ARHGEF4: variants seen among roughly 807,000 people sequenced by gnomAD.
ARHGEF4 encodes Rho guanine nucleotide exchange factor 4.
Under a neutral mutation model 162.0 loss-of-function variants are expected in ARHGEF4, and 119 were observed. That is an observed-to-expected ratio of 0.73 (90% confidence interval 0.63 to 0.86). The LOEUF is 0.86. Ranked by LOEUF, ARHGEF4 falls within the 40% of genes least tolerant of loss-of-function variation. ARHGEF4 has a pLI of 0.00. For synonymous variants in ARHGEF4, 1,014 were observed against 979.9 expected (o/e 1.03, Z -0.65); for missense variants, 2,488 against 2,456.0 (o/e 1.01, Z -0.28).
intron 1 of ARHGEF4, among the ~76,000 whole-genome samples, chr2:130,869,540 A>T (rs1574127578): frequency 6.6e-6 from 1 of 152,354 alleles, no homozygotes; most frequent in South Asian, 2.1e-4. Context: ...TGTGCCCAGC[A>T]CATAGGCAGT....
intron 1 of ARHGEF4, among the ~76,000 whole-genome samples, chr2:130,906,998 G>A (rs139732278): frequency 3.3e-5 from 5 of 152,104 alleles, no homozygotes; most frequent in East Asian, 1.9e-4. Context: ...AATTTCCCTC[G>A]TGTTGCCCTT....
At chr2:130,890,947 C>T (rs1278021333) in intron 1 of ARHGEF4, among the ~76,000 whole-genome samples, 1 of 152,164 alleles carries the variant, frequency 6.6e-6, no homozygotes, top group Non-Finnish European at 1.5e-5. Flanking sequence ...CTACCATCTT[C>T]CTTCAATTCA....
At chr2:131,024,065 T>C (rs1288592985) in intron 4 of ARHGEF4, among the ~76,000 whole-genome samples, 1 of 152,232 alleles carries the variant, frequency 6.6e-6, no homozygotes, top group Non-Finnish European at 1.5e-5. Context: ...TGTGCAGATC[T>C]GCACTGGTGA....
intron 1 of ARHGEF4, among the ~76,000 whole-genome samples, chr2:130,880,831 ATTT>A (rs769216855): frequency 6.9e-6 from 1 of 145,568 alleles, no homozygotes; most frequent in Admixed American, 6.9e-5. Context: ...ACCCGGCCAA[ATTT>A]TTTTTTTTTT....
intron 4 of ARHGEF4, among the ~76,000 whole-genome samples, chr2:130,971,308 T>C (rs531772543): frequency 2.0e-5 from 3 of 152,362 alleles, no homozygotes; most frequent in African/African-American, 7.2e-5. Flanking sequence ...TGTTCTTCTT[T>C]TTCAACATTG....
chr2:130,961,030 A>G (rs1684593536), intron 4 of ARHGEF4, among the ~76,000 whole-genome samples: 1 of 152,300 alleles, frequency 6.6e-6, no homozygotes, highest in Admixed American at 6.5e-5. Context: ...GGCCACAGCC[A>G]TCTTTAGGCA....
chr2:130,916,015 A>G lies in ARHGEF4; in HGVS notation c.2069A>G (p.Glu690Gly), dbSNP rs1681464006. 1.3e-6 allele frequency: 2 copies of G among 1,550,472 alleles called. No individual in the cohort carries two copies. Among genetic ancestry groups the G allele is most frequent in the African/African-American group, 1.4e-5 (1 of 73,184 alleles). ...RGKTPAGNEC[E>G]LPAAPIQGAG... ...AAAACACCAGCCGGTAATGAGTGTG[A>G]GTTGCCAGCAGCCCCCATACAGGGA... Residue 690 changes from glutamate (E) to glycine (G), a missense_variant, in exon 2 of 14, where the codon GAG (glutamate) becomes GGG (glycine). This residue lies in a region of ARHGEF4 where 1,642 missense variants were observed against 1,481.5 expected (regional missense o/e 1.11). Transcript: ENST00000409359.
At chr2:130,837,691 G>T (rs1680292780) in intron 1 of ARHGEF4, 1 of 437,032 alleles carries the variant, frequency 2.3e-6, no homozygotes, top group African/African-American at 2.0e-5. Context: ...TGCCAAGCCC[G>T]ACCTCCCCAG....
intron 4 of ARHGEF4, among the ~76,000 whole-genome samples, chr2:130,998,195 T>C (rs1312555890): frequency 1.3e-5 from 2 of 152,246 alleles, no homozygotes. Flanking sequence ...CCTTTTAGCA[T>C]GTGTAAAATT....
At position 131,039,053 on chromosome 2, in the gene ARHGEF4, T is replaced by G. The variant is rs375328654; in HGVS notation, c.4305+21T>G. The G allele has an allele frequency of 1.8e-5, 29 of 1,588,692 alleles. 1 individual carries two copies. The South Asian group carries it at 3.3e-4, about 18-fold the overall frequency. ...TTCGGGTATGGTTCCAAGCCCCAGC[T>G]TCTCCCAAGTTGGGCCCATAAAAAG... On this transcript the variant is annotated intron_variant, in intron 6 of 13. Transcript: ENST00000409359.
chr2:130,981,456 C>T (rs979768274), intron 4 of ARHGEF4, among the ~76,000 whole-genome samples: 9 of 152,018 alleles, frequency 5.9e-5, no homozygotes, highest in Admixed American at 3.3e-4. Context: ...GTCGGGGGAT[C>T]GAGACCAGCT....
At position 130,915,020 on chromosome 2, in the gene ARHGEF4, G is replaced by A; in HGVS notation, c.1074G>A (p.Lys358=). The change falls in exon 2 of 14, where the codon AAG becomes AAA. Residue 358 remains lysine (K), a synonymous_variant. Transcript: ENST00000409359. ...ATCCCGTGGGACAGAATGTTGTGAA[G>A]TCTGGGACCCATGTGAAGGAAGGGG... ...PEDPVGQNVV[K]SGTHVKEGAK... 6.4e-7 allele frequency: 1 copy of A among 1,550,666 alleles called. No individual in the cohort carries two copies.
intron 4 of ARHGEF4, among the ~76,000 whole-genome samples, chr2:130,947,715 C>T (rs1452112061): frequency 6.6e-6 from 1 of 152,174 alleles, no homozygotes; most frequent in Non-Finnish European, 1.5e-5. Flanking sequence ...AGGTGAGAGC[C>T]AGGATGGGGC....
intron 5 of ARHGEF4, 81 bp downstream of exon 5, chr2:131,028,165 T>C: frequency 1.9e-6 from 3 of 1,550,042 alleles, no homozygotes; most frequent in Non-Finnish European, 2.6e-6. Flanking sequence ...GCAGGCCAGA[T>C]GCCCACAGTC....
intron 4 of ARHGEF4, among the ~76,000 whole-genome samples, chr2:131,011,129 A>G (rs1242502598): frequency 6.6e-6 from 1 of 152,230 alleles, no homozygotes; most frequent in Non-Finnish European, 1.5e-5. Context: ...GAAGTCAAAT[A>G]ACACAGTTCC....
At chr2:130,886,680 C>CA (rs36062652) in intron 1 of ARHGEF4, among the ~76,000 whole-genome samples, 1,334 of 104,684 alleles carry the variant, frequency 0.013, 16 homozygotes, top group Admixed American at 0.035. Flanking sequence ...GACTCTGTCT[C>CA]AAAAAAAAAA....
chr2:130,957,434 C>T lies in ARHGEF4; in HGVS notation c.3985+10799C>T, dbSNP rs182472427. Among the ~76,000 whole-genome samples the T allele has an allele frequency of 6.9e-3, 1,050 of 152,038 alleles. 17 individuals carry two copies. The highest frequency in any genetic ancestry group is 0.024 in the African/African-American group (996 of 41,482). ...TTCTTGAAAGACAAATTTATAGAGA[C>T]AATAATCAGAACAGTTGTTGCATAA... On this transcript the variant is annotated intron_variant, in intron 4 of 13. Transcript: ENST00000409359.
In ARHGEF4 at chr2:131,028,084, G is replaced by A. The variant is rs773909900; in HGVS notation, c.4125G>A (p.Glu1375=). Residue 1375 remains glutamate (E), a splice_region_variant and synonymous_variant, in exon 5 of 14, where the codon GAG becomes GAA. Coordinates refer to ENST00000409359, the MANE Select transcript of ARHGEF4 (RefSeq NM_001367493.1). ...GTGGGGAGCAGCTGGCTATCAATGA[G>A]GTAGGGTCAGGGCTGCACGGGCAGA... ...GGGGEQLAIN[E]LISDGSVVCA... 12 of 1,613,692 alleles carry A rather than the reference G, an allele frequency of 7.4e-6. No homozygotes were observed. The highest frequency in any genetic ancestry group is 1.0e-5 in the Non-Finnish European group (12 of 1,179,992).
At chr2:130,961,279 A>C (rs1392362306) in intron 4 of ARHGEF4, among the ~76,000 whole-genome samples, 1 of 152,164 alleles carries the variant, frequency 6.6e-6, no homozygotes, top group African/African-American at 2.4e-5. Context: ...AGACGGGAGA[A>C]GCAGCAAGCC....
Sources: allele counts gnomAD v4.1 joint callset (sites outside exome capture counted in the v4.1 genomes callset), GRCh38; gene constraint gnomAD v4.1.1; regional missense constraint gnomAD v4.1.1; transcripts MANE v1.5; gene names NCBI Gene and HGNC (gene_info 2026-07-23, HGNC 2026-07-21).